Variants in PIWIL2 observed in about 807,000 individuals in gnomAD.
PIWIL2 encodes the protein piwi-like protein 2.
A neutral mutation model predicts 116.5 loss-of-function variants in PIWIL2; 81 were observed. That is an observed-to-expected ratio of 0.70 (90% CI 0.58 to 0.84). PIWIL2 has a LOEUF of 0.84. Among genes scored for constraint, PIWIL2 ranks in the 40% least tolerant of loss-of-function variants. The pLI, the probability that PIWIL2 is intolerant of heterozygous loss-of-function variation, is 0.00. For synonymous variants in PIWIL2, 489 were observed against 429.5 expected (o/e 1.14, Z -1.71); for missense variants, 1,272 against 1,212.3 (o/e 1.05, Z -0.73).
chr8:22,345,884 C>G (rs75926418), intron 20 of PIWIL2, among the ~76,000 whole-genome samples: 1 of 152,030 alleles, frequency 6.6e-6, no homozygotes, highest in Non-Finnish European at 1.5e-5. Flanking sequence ...ATAGTCCAAC[C>G]CATGGAGACA....
At chr8:22,309,102 C>A (rs1222258545) in intron 14 of PIWIL2, among the ~76,000 whole-genome samples, 1 of 151,946 alleles carries the variant, frequency 6.6e-6, no homozygotes, top group Non-Finnish European at 1.5e-5. Context: ...GCTGGGATTA[C>A]AAGCACGTGC....
At chr8:22,299,906 G>A (rs1831004456) in intron 10 of PIWIL2, among the ~76,000 whole-genome samples, 4 of 151,888 alleles carry the variant, frequency 2.6e-5, no homozygotes, top group Admixed American at 2.6e-4. Context: ...GAATCGCTAT[G>A]TTCTTGTTCT....
chr8:22,279,291 A>G, intron 1 of PIWIL2, 50 bp from the exon 2 acceptor site: 1 of 996,622 alleles, frequency 1.0e-6, no homozygotes, highest in Non-Finnish European at 1.6e-6. Flanking sequence ...GTGTGTCTTG[A>G]AGGAAAAGGA....
intron 20 of PIWIL2, among the ~76,000 whole-genome samples, chr8:22,325,544 C>T (rs1003921351): frequency 2.3e-5 from 3 of 131,304 alleles, no homozygotes; most frequent in Non-Finnish European, 3.1e-5. Flanking sequence ...AGTGCAGAGA[C>T]GTGATCTCCA....
At chr8:22,351,526 T>C (rs1157555629) in intron 20 of PIWIL2, among the ~76,000 whole-genome samples, 7 of 126,310 alleles carry the variant, frequency 5.5e-5, no homozygotes, top group Non-Finnish European at 1.2e-4. Context: ...TTTTTTGGTG[T>C]TTTTTTTTTG....
At chr8:22,287,386 A>G (rs1267724916) in intron 6 of PIWIL2, 142 bp from the exon 7 acceptor site, 1 of 656,952 alleles carries the variant, frequency 1.5e-6, no homozygotes, top group South Asian at 1.8e-5. Context: ...TTCTTGAGTC[A>G]AAGTTCTAGG....
intron 10 of PIWIL2, among the ~76,000 whole-genome samples, chr8:22,302,533 CTGTT>C (rs1831076148): frequency 6.6e-6 from 1 of 152,056 alleles, no homozygotes; most frequent in Non-Finnish European, 1.5e-5. Context: ...ACTAAAGACT[CTGTT>C]ATTTCTGTGG....
chr8:22,349,218 G>T (rs1397007096), intron 20 of PIWIL2, among the ~76,000 whole-genome samples: 1 of 150,762 alleles, frequency 6.6e-6, no homozygotes, highest in Non-Finnish European at 1.5e-5. Context: ...TGTTGCCCAG[G>T]CTGGTCTCAA....
chr8:22,284,048 A>C (rs1038612936), intron 5 of PIWIL2, 114 bp from the exon 6 acceptor site: 5 of 572,888 alleles, frequency 8.7e-6, no homozygotes, highest in Non-Finnish European at 1.5e-5. Flanking sequence ...CTGTAGCAAA[A>C]TGTGAAAAAA....
chr8:22,317,041 A>G (rs1466832725), intron 19 of PIWIL2, among the ~76,000 whole-genome samples: 1 of 152,114 alleles, frequency 6.6e-6, no homozygotes, highest in Non-Finnish European at 1.5e-5. Context: ...CAGTCTCCCA[A>G]AGTGCTGGGA....
chr8:22,300,528 G>A (rs766132136), intron 10 of PIWIL2, among the ~76,000 whole-genome samples: 44 of 152,164 alleles, frequency 2.9e-4, no homozygotes, highest in Non-Finnish European at 5.9e-4. Context: ...AGATACCTGG[G>A]AGCGGAATGG....
chr8:22,349,111 C>G (rs1274409851), intron 20 of PIWIL2, among the ~76,000 whole-genome samples: 2 of 147,644 alleles, frequency 1.4e-5, no homozygotes, highest in East Asian at 4.0e-4. Flanking sequence ...TGCAGAGGCA[C>G]AAACTCTGCT....
chr8:22,318,045 T>C, intron 19 of PIWIL2, 125 bp from the exon 20 acceptor site: 1 of 601,372 alleles, frequency 1.7e-6, no homozygotes, highest in South Asian at 2.2e-5. Flanking sequence ...TAAATGCATT[T>C]TCTAGGTACT....
chr8:22,354,321 C>T lies in PIWIL2; in HGVS notation c.2708C>T (p.Pro903Leu). Residue 903 changes from proline to leucine, a missense_variant, in exon 22 of 23, where the codon CCT (proline) becomes CTT (leucine). Pro to Leu is a moderately conservative substitution (Grantham distance 98). Transcript: ENST00000356766. The stretch of plus-strand genomic sequence containing the variant: ...CATGTACGGCAGGGCTGTGGCATTC[C>T]TACGCATTATGTCTGTGTTCTCAAC... ...AHHVRQGCGI[P>L]THYVCVLNTA... is the part of the protein sequence containing the mutation. The T allele has an allele frequency of 6.2e-7, 1 of 1,613,798 alleles. No homozygotes were observed. The highest frequency in any genetic ancestry group is 8.5e-7 in the Non-Finnish European group (1 of 1,179,760).
chr8:22,320,901 T>A (rs921157398), intron 20 of PIWIL2, among the ~76,000 whole-genome samples: 2 of 152,186 alleles, frequency 1.3e-5, no homozygotes, highest in Non-Finnish European at 2.9e-5. Flanking sequence ...CCACTGTGGC[T>A]ATTTTGTAAA....
In PIWIL2 at chr8:22,300,635, A is replaced by G. The variant is rs189674711; in HGVS notation, c.1182-3386A>G. Among the ~76,000 whole-genome samples the G allele has an allele frequency of 2.0e-5, 3 of 152,320 alleles. No homozygotes were observed. The East Asian group carries it at 5.8e-4, about 29-fold the overall frequency. ...TCCCACTAGCAGTGCCTGAGAATTCAGATTGTTCCACATTCTCACGAATAC... is the reference window on the plus strand; with the variant it reads ...TCCCACTAGCAGTGCCTGAGAATTCGGATTGTTCCACATTCTCACGAATAC... On this transcript the variant is annotated intron_variant, in intron 10 of 22. Coordinates refer to ENST00000356766, the MANE Select transcript of PIWIL2 (RefSeq NM_018068.5).
intron 20 of PIWIL2, among the ~76,000 whole-genome samples, chr8:22,349,607 G>A (rs1302306489): frequency 6.6e-6 from 1 of 151,992 alleles, no homozygotes; most frequent in Non-Finnish European, 1.5e-5. Flanking sequence ...TGTACTGTCT[G>A]TTTCCTTGTC....
chr8:22,281,403 T>A lies in PIWIL2; in HGVS notation c.313T>A (p.Ser105Thr). 1 of 1,608,840 alleles carries A rather than the reference T, an allele frequency of 6.2e-7. No homozygotes were observed. The highest frequency in any genetic ancestry group is 8.5e-7 in the Non-Finnish European group (1 of 1,178,918). ...TAGAGGCATTTTAGGTCGAGGCTTG[T>A]CTGCTAATCTGGTACGCAAGGACAG... ...SGRGILGRGL[S>T]ANLVRKDREE... Residue 105 changes from serine to threonine, a missense_variant, in exon 4 of 23, where the codon TCT becomes ACT. By Grantham distance (58) the Ser-to-Thr change is moderately conservative. Coordinates refer to ENST00000356766, the MANE Select transcript of PIWIL2 (RefSeq NM_018068.5).
At chr8:22,349,069 G>C (rs1832293305) in intron 20 of PIWIL2, among the ~76,000 whole-genome samples, 1 of 129,200 alleles carries the variant, frequency 7.7e-6, no homozygotes, top group Non-Finnish European at 1.6e-5. Flanking sequence ...TTTTTTTTGA[G>C]ATGGGATCTC....
Sources: allele counts gnomAD v4.1 joint callset (sites outside exome capture counted in the v4.1 genomes callset), GRCh38; gene constraint gnomAD v4.1.1; transcripts MANE v1.5; gene names NCBI Gene and HGNC (gene_info 2026-07-23, HGNC 2026-07-21).